CNTN5: variants seen among roughly 807,000 people sequenced by gnomAD.
CNTN5 encodes contactin-5.
Under a neutral mutation model 129.1 loss-of-function variants are expected in CNTN5, and 77 were observed. The observed-to-expected ratio is 0.60, with a 90% CI of 0.50 to 0.72. The LOEUF (loss-of-function observed/expected upper bound fraction) is 0.72, where lower values mean the gene tolerates loss of function less well. Ranked by LOEUF, CNTN5 falls within the 30% of genes least tolerant of loss-of-function variation. The probability of loss-of-function intolerance (pLI) is 0.00; values close to 1 mark genes in which losing one functional copy is unlikely to be tolerated. For missense variants in CNTN5, 1,478 were observed against 1,328.8 expected (o/e 1.11, Z -1.75); for synonymous variants, 509 against 465.6 (o/e 1.09, Z -1.20).
At chr11:100,250,302 T>C (rs1398021540) in intron 16 of CNTN5, among the ~76,000 whole-genome samples, 1 of 152,144 alleles carries the variant, frequency 6.6e-6, no homozygotes, top group Non-Finnish European at 1.5e-5. Flanking sequence ...TTTAAAACAT[T>C]CTTTTACTTG....
In CNTN5 at chr11:99,188,613, A is replaced by G. The variant is rs140633353; in HGVS notation, c.-209-136733A>G. Among the ~76,000 whole-genome samples, 227 of 151,878 alleles carry G rather than the reference A, an allele frequency of 1.5e-3. 2 individuals carry two copies. The highest frequency in any genetic ancestry group is 1.7e-3 in the Non-Finnish European group (114 of 67,766). On this transcript the variant is annotated intron_variant, in intron 1 of 24. Coordinates refer to ENST00000524871, the MANE Select transcript of CNTN5 (RefSeq NM_014361.4). The stretch of plus-strand genomic sequence containing the variant: ...ATATGAAAGGAACACGATTTATTTA[A>G]TATTTTTATTTCTTTTTATTTATAA...
At chr11:99,513,580 T>C (rs1414911402) in intron 2 of CNTN5, among the ~76,000 whole-genome samples, 2 of 152,152 alleles carry the variant, frequency 1.3e-5, no homozygotes, top group Non-Finnish European at 2.9e-5. Context: ...AATGCTCATG[T>C]AGCATTCCAA....
intron 1 of CNTN5, among the ~76,000 whole-genome samples, chr11:99,255,601 T>G (rs1565441647): frequency 6.6e-6 from 1 of 151,624 alleles, no homozygotes; most frequent in Non-Finnish European, 1.5e-5. Flanking sequence ...TTCAGGAGAT[T>G]AACGGACCAC....
At chr11:100,153,526 A>G (rs975935108) in intron 13 of CNTN5, among the ~76,000 whole-genome samples, 3 of 152,098 alleles carry the variant, frequency 2.0e-5, no homozygotes, top group Non-Finnish European at 4.4e-5. Flanking sequence ...TGTACTTCGT[A>G]TTCTTGTTAA....
chr11:99,108,596 T>C (rs1023818748), intron 1 of CNTN5, among the ~76,000 whole-genome samples: 4 of 152,180 alleles, frequency 2.6e-5, no homozygotes, highest in Admixed American at 2.6e-4. Context: ...ATAAGCATAA[T>C]ATCTAAAATG....
chr11:100,152,016 G>A (rs781505571), intron 13 of CNTN5, among the ~76,000 whole-genome samples: 9 of 152,086 alleles, frequency 5.9e-5, no homozygotes, highest in Admixed American at 1.3e-4. Context: ...TTCACAATAT[G>A]ACCTTAACCA....
chr11:99,931,759 C>T (rs1950198132), intron 7 of CNTN5, among the ~76,000 whole-genome samples: 1 of 152,096 alleles, frequency 6.6e-6, no homozygotes. Flanking sequence ...GCAATATTTG[C>T]TAGTAGTGCT....
At chr11:99,577,737 T>C (rs1049062034) in intron 3 of CNTN5, among the ~76,000 whole-genome samples, 2 of 152,256 alleles carry the variant, frequency 1.3e-5, no homozygotes, top group East Asian at 3.9e-4. Context: ...TGGACAGTTC[T>C]TTAGTTATTG....
chr11:100,288,835 G>T (rs1342355022), intron 18 of CNTN5, among the ~76,000 whole-genome samples: 3 of 151,808 alleles, frequency 2.0e-5, no homozygotes, highest in Non-Finnish European at 4.4e-5. Context: ...TTTTTTGAAA[G>T]GATCAACAAA....
intron 2 of CNTN5, among the ~76,000 whole-genome samples, chr11:99,437,451 G>A (rs1003702461): frequency 6.6e-6 from 1 of 152,114 alleles, no homozygotes; most frequent in Non-Finnish European, 1.5e-5. Context: ...TAATTTTAAG[G>A]TCAATAGCAG....
chr11:99,649,001 G>A (rs542815600), intron 3 of CNTN5, among the ~76,000 whole-genome samples: 14 of 151,700 alleles, frequency 9.2e-5, no homozygotes, highest in African/African-American at 3.4e-4. Context: ...TAACACTATG[G>A]CATAACTATA....
intron 3 of CNTN5, among the ~76,000 whole-genome samples, chr11:99,622,999 C>T (rs1432102699): frequency 6.6e-6 from 1 of 152,112 alleles, no homozygotes; most frequent in Non-Finnish European, 1.5e-5. Flanking sequence ...CTGTAAAAAT[C>T]CTCGGGCTTC....
intron 8 of CNTN5, among the ~76,000 whole-genome samples, chr11:99,980,932 A>T (rs967132880): frequency 1.1e-4 from 17 of 151,782 alleles, no homozygotes; most frequent in African/African-American, 4.1e-4. Flanking sequence ...TGAAGTATAA[A>T]CAGAAAAGCA....
At chr11:99,182,621 C>T (rs1858134589) in intron 1 of CNTN5, among the ~76,000 whole-genome samples, 1 of 152,046 alleles carries the variant, frequency 6.6e-6, no homozygotes, top group South Asian at 2.1e-4. Flanking sequence ...ATCCTCTGGG[C>T]ATCATCCAAG....
intron 3 of CNTN5, among the ~76,000 whole-genome samples, chr11:99,639,482 G>C (rs1409540343): frequency 1.3e-5 from 2 of 151,444 alleles, no homozygotes; most frequent in African/African-American, 2.4e-5. Flanking sequence ...GCATAGTCAG[G>C]CTGCAAATTT....
intron 6 of CNTN5, among the ~76,000 whole-genome samples, chr11:99,846,901 A>G (rs995586032): frequency 6.6e-6 from 1 of 152,234 alleles, no homozygotes; most frequent in African/African-American, 2.4e-5. Context: ...ACACCAAGAT[A>G]GCAGCCTAAA....
At chr11:100,068,707 A>G (rs566921744) in intron 10 of CNTN5, among the ~76,000 whole-genome samples, 17 of 152,328 alleles carry the variant, frequency 1.1e-4, no homozygotes, top group African/African-American at 3.6e-4. Flanking sequence ...GAAACTCACT[A>G]TGGTAAAGAT....
At chr11:100,345,941 C>T (rs1952269451) in intron 23 of CNTN5, among the ~76,000 whole-genome samples, 1 of 152,082 alleles carries the variant, frequency 6.6e-6, no homozygotes, top group Non-Finnish European at 1.5e-5. Context: ...AAATAATTTC[C>T]ACTCAAAATA....
intron 17 of CNTN5, among the ~76,000 whole-genome samples, chr11:100,267,261 A>C (rs936483417): frequency 7.5e-6 from 1 of 133,472 alleles, no homozygotes; most frequent in African/African-American, 3.2e-5. Context: ...AACCACACAC[A>C]CACACACACA....
Sources: gnomAD v4.1 joint callset for allele counts (sites outside exome capture counted in the v4.1 genomes callset) on GRCh38, gnomAD v4.1.1 for gene constraint, MANE v1.5 for transcripts, NCBI Gene and HGNC (gene_info 2026-07-23, HGNC 2026-07-21) for gene names.